PTPN11: variants seen among roughly 807,000 people sequenced by gnomAD.
PTPN11 encodes the protein tyrosine-protein phosphatase non-receptor type 11.
A neutral mutation model predicts 78.8 loss-of-function variants in PTPN11; 6 were observed. That is an observed-to-expected ratio of 0.08 (90% CI 0.04 to 0.15). The LOEUF (loss-of-function observed/expected upper bound fraction) is 0.15. Ranked by LOEUF, PTPN11 falls within the 10% of genes least tolerant of loss-of-function variation. PTPN11 has a pLI of 1.00. For missense variants in PTPN11, 386 were observed against 744.8 expected, an observed-to-expected ratio of 0.52 and a Z score of 5.61; for synonymous variants, 221 against 263.5, an observed-to-expected ratio of 0.84 and a Z score of 1.56.
intron 13 of PTPN11, 112 bp from the exon 14 acceptor site, chr12:112,502,032 A>T: frequency 1.4e-5 from 11 of 780,670 alleles, no homozygotes; most frequent in Non-Finnish European, 2.2e-5. Flanking sequence ...CCGTCTATCA[A>T]TTTTTTTTTC....
At chr12:112,432,943 C>T (rs972585821) in intron 1 of PTPN11, among the ~76,000 whole-genome samples, 1 of 152,012 alleles carries the variant, frequency 6.6e-6, no homozygotes, top group Non-Finnish European at 1.5e-5. Context: ...TTACTGAAAC[C>T]TCCACCTCCT....
In PTPN11 at chr12:112,494,867, C is replaced by T. The variant is rs142808266; in HGVS notation, c.1599+5692C>T. On this transcript the variant is annotated intron_variant, in intron 13 of 15. Transcript: ENST00000351677. Reference sequence around the variant, plus strand: ...AGCAATACATCCATTCTGTTTTTCACTTTTCATTCAACACTTTATTTTAAA... The same window carrying T: ...AGCAATACATCCATTCTGTTTTTCATTTTTCATTCAACACTTTATTTTAAA... Among the ~76,000 whole-genome samples the T allele has an allele frequency of 1.4e-4, 21 of 152,148 alleles. No homozygotes were observed. The East Asian group carries it at 4.1e-3, about 29-fold the overall frequency.
intron 2 of PTPN11, among the ~76,000 whole-genome samples, chr12:112,449,600 A>G (rs1208772883): frequency 6.6e-6 from 1 of 152,216 alleles, no homozygotes; most frequent in African/African-American, 2.4e-5. Context: ...ATTCCATTGT[A>G]TGAATAGTAA....
At chr12:112,488,646 G>T (rs1173037202) in intron 12 of PTPN11, 136 bp downstream of exon 12, 2 of 908,892 alleles carry the variant, frequency 2.2e-6, no homozygotes, top group Non-Finnish European at 1.8e-6. Flanking sequence ...AGACTTCAGT[G>T]TGTCTGCCTG....
At chr12:112,448,140 A>G (rs965167182) in intron 2 of PTPN11, among the ~76,000 whole-genome samples, 11 of 151,458 alleles carry the variant, frequency 7.3e-5, no homozygotes, top group African/African-American at 2.7e-4. Context: ...CTTGCACACT[A>G]TCTCCATTCT....
chr12:112,450,188 G>A, intron 2 of PTPN11, 130 bp from the exon 3 acceptor site: 2 of 785,568 alleles, frequency 2.5e-6, no homozygotes, highest in Admixed American at 2.0e-5. Flanking sequence ...TTCTTATAGG[G>A]AATAGGTAAA....
At chr12:112,460,796 C>T (rs145005528) in intron 6 of PTPN11, among the ~76,000 whole-genome samples, 5 of 152,284 alleles carry the variant, frequency 3.3e-5, no homozygotes, top group Admixed American at 2.6e-4. Context: ...GAGCCGAGAT[C>T]GCGCCACTGC....
At chr12:112,451,316 A>G (rs183083672) in intron 3 of PTPN11, among the ~76,000 whole-genome samples, 156 of 152,226 alleles carry the variant, frequency 1.0e-3, no homozygotes, top group Non-Finnish European at 1.7e-3. Context: ...TTATTTCTAA[A>G]TTTTACTGTT....
chr12:112,449,396 A>G (rs1391436319), intron 2 of PTPN11, among the ~76,000 whole-genome samples: 1 of 151,582 alleles, frequency 6.6e-6, no homozygotes, highest in Non-Finnish European at 1.5e-5. Flanking sequence ...AGTCCCAGCT[A>G]CTTGGGAGGT....
chr12:112,485,769 G>T (rs1481943815), intron 10 of PTPN11, among the ~76,000 whole-genome samples: 3 of 152,232 alleles, frequency 2.0e-5, no homozygotes, highest in East Asian at 3.9e-4. Flanking sequence ...CTGAGGTCAG[G>T]AGTTTGCAAC....
At chr12:112,491,861 C>T (rs1158426967) in intron 13 of PTPN11, among the ~76,000 whole-genome samples, 1 of 152,140 alleles carries the variant, frequency 6.6e-6, no homozygotes, top group Non-Finnish European at 1.5e-5. Flanking sequence ...TGTGCACCAC[C>T]ATGCCTGGCT....
chr12:112,481,005 A>G (rs757812658), intron 9 of PTPN11, among the ~76,000 whole-genome samples: 14 of 152,162 alleles, frequency 9.2e-5, no homozygotes, highest in South Asian at 2.1e-4. Context: ...ATATTTTTCA[A>G]TCCGCCTGCT....
intron 6 of PTPN11, among the ~76,000 whole-genome samples, chr12:112,463,244 A>G (rs756830185): frequency 1.7e-4 from 26 of 151,960 alleles, no homozygotes; most frequent in Admixed American, 3.9e-4. Context: ...CACACAAAGT[A>G]AAAAGAGAAG....
At chr12:112,473,443 TTAAGTGGGAAACAGACAAA>T (rs2038450568) in intron 7 of PTPN11, among the ~76,000 whole-genome samples, 1 of 152,118 alleles carries the variant, frequency 6.6e-6, no homozygotes, top group South Asian at 2.1e-4. Context: ...CTCAGTTCCC[TTAAGTGGGAAACAGACAAA>T]CACCTCCTGA....
At chr12:112,436,875 GT>G (rs575624518) in intron 1 of PTPN11, among the ~76,000 whole-genome samples, 232 of 151,958 alleles carry the variant, frequency 1.5e-3, no homozygotes, top group African/African-American at 5.3e-3. Context: ...AGTCCTTGAG[GT>G]TTTTTACCAT....
intron 6 of PTPN11, among the ~76,000 whole-genome samples, chr12:112,464,386 A>AT (rs1000523892): frequency 8.0e-5 from 12 of 150,934 alleles, no homozygotes; most frequent in South Asian, 2.1e-4. Flanking sequence ...CAAGTCTTTG[A>AT]TTTTTTTTTC....
At chr12:112,444,739 A>G (rs1287854835) in intron 1 of PTPN11, among the ~76,000 whole-genome samples, 3 of 152,174 alleles carry the variant, frequency 2.0e-5, no homozygotes, top group African/African-American at 7.2e-5. Flanking sequence ...ATCTGTTACT[A>G]TCATTGTTTA....
At chr12:112,438,018 A>G (rs955800323) in intron 1 of PTPN11, among the ~76,000 whole-genome samples, 1 of 152,140 alleles carries the variant, frequency 6.6e-6, no homozygotes, top group Non-Finnish European at 1.5e-5. Flanking sequence ...CCCTGGAATC[A>G]TGCCCCTTTC....
chr12:112,492,662 C>T (rs1345390396), intron 13 of PTPN11, among the ~76,000 whole-genome samples: 25 of 151,836 alleles, frequency 1.6e-4, no homozygotes, highest in African/African-American at 4.4e-4. Context: ...GGACTACAGG[C>T]GCCCGCCATC....
Sources: gnomAD v4.1 joint callset for allele counts (sites outside exome capture counted in the v4.1 genomes callset) on GRCh38, gnomAD v4.1.1 for gene constraint, MANE v1.5 for transcripts, NCBI Gene and HGNC (gene_info 2026-07-23, HGNC 2026-07-21) for gene names.